The following CCDC174 variants were observed in gnomAD, a reference collection of about 807,000 sequenced individuals.
CCDC174 encodes coiled-coil domain-containing protein 174.
A neutral mutation model predicts 57.1 loss-of-function variants in CCDC174; 37 were observed. The ratio of observed to expected loss-of-function variants is 0.65; its 90% CI spans 0.50 to 0.85. CCDC174 has a LOEUF of 0.85. Ranked by LOEUF, CCDC174 falls within the 40% of genes least tolerant of loss-of-function variation. The pLI is 0.00. For missense variants in CCDC174, 540 were observed against 574.3 expected (o/e 0.94, Z 0.61); for synonymous variants, 182 against 190.2 (o/e 0.96, Z 0.35).
intron 3 of CCDC174, among the ~76,000 whole-genome samples, chr3:14,656,397 G>A (rs1188629780): frequency 3.9e-5 from 6 of 152,146 alleles, no homozygotes; most frequent in African/African-American, 7.2e-5. Flanking sequence ...TGCCATTAAC[G>A]TTTTTAAAGG....
At chr3:14,654,020 G>A (rs1298338080) in intron 1 of CCDC174, among the ~76,000 whole-genome samples, 2 of 152,172 alleles carry the variant, frequency 1.3e-5, no homozygotes, top group Non-Finnish European at 2.9e-5. Flanking sequence ...GCTCTTCAGC[G>A]TTATTTCTAC....
At chr3:14,670,283 C>T (rs959219687) in intron 10 of CCDC174, among the ~76,000 whole-genome samples, 197 bp downstream of exon 10, 2 of 152,210 alleles carry the variant, frequency 1.3e-5, no homozygotes, top group Admixed American at 1.3e-4. Context: ...TTAGCAGCCT[C>T]TTTTATGTTC....
Position 14,664,398 on chromosome 3 carries a change from G to A in CCDC174, c.486-630G>A, listed in dbSNP as rs566534978. The stretch of plus-strand genomic sequence containing the variant: ...TGAACATCTGTCCGTATTTTCCATT[G>A]TAGGAAGTCAGAATATTTCACTTTG... On this transcript the variant is annotated intron_variant, in intron 5 of 10. Transcript: ENST00000383794. 7.9e-5 allele frequency among the ~76,000 whole-genome samples: 12 copies of A among 152,264 alleles called. No individual in the cohort carries two copies. The East Asian group carries it at 1.5e-3, about 20-fold the overall frequency.
chr3:14,656,159 A>G (rs1353421147), intron 3 of CCDC174, among the ~76,000 whole-genome samples: 1 of 152,196 alleles, frequency 6.6e-6, no homozygotes, highest in Non-Finnish European at 1.5e-5. Context: ...ACATTTTCCT[A>G]CATAACCACA....
intron 6 of CCDC174, among the ~76,000 whole-genome samples, chr3:14,665,943 C>T (rs1274258257): frequency 2.0e-5 from 3 of 147,070 alleles, no homozygotes; most frequent in East Asian, 4.0e-4. Context: ...GAGGCTGAGG[C>T]AGGAGAATGG....
In CCDC174 at chr3:14,670,915, G is replaced by T. The variant is rs1438342291; in HGVS notation, c.1125G>T (p.Trp375Cys). Residue 375 changes from tryptophan to cysteine, a missense_variant, in exon 11 of 11, where the codon TGG becomes TGT. Trp to Cys is a radical substitution (Grantham distance 215, BLOSUM62 -2). Transcript: ENST00000383794. ...TACCAGAATTTTCCTTTGGATACTGGTCGAAGAGGCAGTCAGATCTCCGGG... is the reference window on the plus strand; with the variant it reads ...TACCAGAATTTTCCTTTGGATACTGTTCGAAGAGGCAGTCAGATCTCCGGG... Reference protein sequence around the residue: ...DRGKEFSFGYWSKRQSDLRAE... With the variant: ...DRGKEFSFGYCSKRQSDLRAE... The T allele has an allele frequency of 1.2e-6, 2 of 1,609,882 alleles. No individual in the cohort carries two copies. Among genetic ancestry groups the T allele is most frequent in the Non-Finnish European group, 1.7e-6 (2 of 1,176,740 alleles).
chr3:14,658,159 C>T (rs1014401734), intron 3 of CCDC174, among the ~76,000 whole-genome samples: 7 of 152,224 alleles, frequency 4.6e-5, no homozygotes, highest in Non-Finnish European at 8.8e-5. Context: ...TCTTTATTGT[C>T]CTTCTCCATC....
chr3:14,659,692 C>T (rs2031063866), intron 4 of CCDC174, among the ~76,000 whole-genome samples: 1 of 151,750 alleles, frequency 6.6e-6, no homozygotes, highest in Non-Finnish European at 1.5e-5. Context: ...AGAGTGTGAC[C>T]CTATCTCTAA....
chr3:14,661,463 C>A, intron 4 of CCDC174, 67 bp from the exon 5 acceptor site: 1 of 1,401,238 alleles, frequency 7.1e-7, no homozygotes, highest in Non-Finnish European at 9.8e-7. Context: ...ATGAATGTGA[C>A]TGCTTCTTGT....
At position 14,651,814 on chromosome 3, in the gene CCDC174, G is replaced by C. The variant is rs745599337; in HGVS notation, c.-23G>C. 7 of 1,613,850 alleles carry C rather than the reference G, an allele frequency of 4.3e-6. No homozygotes were observed. The South Asian group carries it at 6.6e-5, about 15-fold the overall frequency. ...TGTCGGGTAGAAAGGGTCCTTCCTG[G>C]ACCGGGACCCTCTGCCACGACCATG... On this transcript the variant is annotated 5_prime_UTR_variant, in exon 1 of 11. Coordinates refer to ENST00000383794, the MANE Select transcript of CCDC174 (RefSeq NM_016474.5).
At position 14,670,012 on chromosome 3, in the gene CCDC174, T is replaced by C. The variant is rs150743579; in HGVS notation, c.1031T>C (p.Val344Ala). The part of the protein sequence containing the change: ...TPRPAAQSSK[V>A]EVIVQERKDT... Reference sequence around the variant, plus strand: ...CGTCCTGCTGCCCAGAGTAGCAAAGTAGAAGTCATTGTCCAGGAGAGGAAG... The same window carrying C: ...CGTCCTGCTGCCCAGAGTAGCAAAGCAGAAGTCATTGTCCAGGAGAGGAAG... The change falls in exon 10 of 11, where the codon GTA becomes GCA. Residue 344 changes from valine (V) to alanine (A), a missense_variant. Val to Ala is a moderately conservative substitution (Grantham distance 64). Coordinates refer to ENST00000383794, the MANE Select transcript of CCDC174 (RefSeq NM_016474.5). 23 of 1,610,910 alleles carry C rather than the reference T, an allele frequency of 1.4e-5. No individual in the cohort carries two copies. The highest frequency in any genetic ancestry group is 4.0e-5 in the African/African-American group (3 of 74,598).
At chr3:14,662,038 G>A (rs2031157040) in intron 5 of CCDC174, 1 of 237,676 alleles carries the variant, frequency 4.2e-6, no homozygotes, top group Non-Finnish European at 8.2e-6. Context: ...AACAGTGAGG[G>A]CAGAGCGCCT....
chr3:14,665,102 A>G lies in CCDC174; in HGVS notation c.560A>G (p.Asp187Gly). The G allele has an allele frequency of 6.2e-7, 1 of 1,613,632 alleles. No homozygotes were observed. The highest frequency in any genetic ancestry group is 8.5e-7 in the Non-Finnish European group (1 of 1,179,526). ...GATTTGCCAGATCTGCTGGAGATGGATAAAAATCTTCAGGGGAGACTGTAA... is the reference window on the plus strand; with the variant it reads ...GATTTGCCAGATCTGCTGGAGATGGGTAAAAATCTTCAGGGGAGACTGTAA... ...RKDLPDLLEM[D>G]KNLQGRLFIS... Residue 187 changes from aspartate to glycine, a missense_variant, in exon 6 of 11, where the codon GAT becomes GGT. Coordinates refer to ENST00000383794, the MANE Select transcript of CCDC174 (RefSeq NM_016474.5).
intron 3 of CCDC174, among the ~76,000 whole-genome samples, chr3:14,657,642 C>T (rs1348526349): frequency 4.6e-5 from 7 of 152,344 alleles, no homozygotes; most frequent in Admixed American, 4.6e-4. Flanking sequence ...CACGTGCTCT[C>T]ATCCCTGCCT....
At chr3:14,662,965 G>A (rs533071790) in intron 5 of CCDC174, among the ~76,000 whole-genome samples, 1 of 152,350 alleles carries the variant, frequency 6.6e-6, no homozygotes, top group Admixed American at 6.5e-5. Context: ...TGGAACAGGT[G>A]TCAGCCTGCA....
At chr3:14,655,678 G>T (rs1328085689) in intron 3 of CCDC174, 49 bp downstream of exon 3, 2 of 1,215,086 alleles carry the variant, frequency 1.6e-6, no homozygotes, top group Non-Finnish European at 2.3e-6. Context: ...GGCTACCCAG[G>T]CAGAGAAATG....
intron 1 of CCDC174, among the ~76,000 whole-genome samples, chr3:14,653,863 A>G (rs565073149): frequency 3.2e-4 from 48 of 152,364 alleles, no homozygotes; most frequent in Non-Finnish European, 1.5e-5. Flanking sequence ...TCTGCTCAGA[A>G]GGAAATGCTC....
intron 4 of CCDC174, 27 bp from the exon 5 acceptor site, chr3:14,661,503 G>T: frequency 6.4e-7 from 1 of 1,574,466 alleles, no homozygotes; most frequent in Non-Finnish European, 8.6e-7. Flanking sequence ...CCTTTTTGAT[G>T]TCTGAAAACT....
rs372533633 is a variant in CCDC174, at chr3:14,670,990, G to C, written c.1200G>C (p.Gln400His). ...CGCCGTCAGATTACTTTGTGGGTCA[G>C]AAGAGAACTGGTTTTTCCAGCAGCC... is the stretch of plus-strand genomic sequence containing the variant. ...FAPPSDYFVG[Q>H]KRTGFSSSQA... Residue 400 changes from glutamine (Q) to histidine (H), a missense_variant, in exon 11 of 11, where the codon CAG becomes CAC. By Grantham distance (24) the Gln-to-His change is conservative. Transcript: ENST00000383794. 6.2e-7 allele frequency: 1 copy of C among 1,614,216 alleles called. No homozygotes were observed. The highest frequency in any genetic ancestry group is 8.5e-7 in the Non-Finnish European group (1 of 1,180,030).
Sources: allele counts gnomAD v4.1 joint callset (sites outside exome capture counted in the v4.1 genomes callset), GRCh38; gene constraint gnomAD v4.1.1; transcripts MANE v1.5; gene names NCBI Gene and HGNC (gene_info 2026-07-23, HGNC 2026-07-21).